Variants in MALRD1 observed in about 807,000 individuals in gnomAD.
MALRD1 encodes MAM and LDL receptor class A domain containing 1.
In MALRD1, 247 loss-of-function variants were observed where a neutral mutation model predicts 242.1. The observed-to-expected ratio is 1.02, with a 90% CI of 0.92 to 1.13. The LOEUF (loss-of-function observed/expected upper bound fraction) is 1.13. Ranked by LOEUF, MALRD1 falls within the 50% of genes most tolerant of loss-of-function variation. The probability of loss-of-function intolerance (pLI) is 0.00; values close to 1 mark genes in which losing one functional copy is unlikely to be tolerated. For synonymous variants in MALRD1, 995 were observed against 866.6 expected (o/e 1.15, Z -2.60); for missense variants, 2,989 against 2,533.1 (o/e 1.18, Z -3.86).
At chr10:19,545,820 G>A (rs1229007434) in intron 32 of MALRD1, among the ~76,000 whole-genome samples, 1 of 152,102 alleles carries the variant, frequency 6.6e-6, no homozygotes, top group African/African-American at 2.4e-5. Flanking sequence ...TTAGTCCTCT[G>A]GCACTGTGGT....
chr10:19,694,492 T>G (rs1833272401), intron 38 of MALRD1, among the ~76,000 whole-genome samples: 1 of 152,196 alleles, frequency 6.6e-6, no homozygotes, highest in South Asian at 2.1e-4. Context: ...TCACTGGCCA[T>G]CAGAGAAATG....
chr10:19,074,321 T>G (rs1431559288), intron 2 of MALRD1, among the ~76,000 whole-genome samples: 1 of 152,092 alleles, frequency 6.6e-6, no homozygotes, highest in East Asian at 1.9e-4. Flanking sequence ...GCATATTTGG[T>G]GCTTAATGAT....
At chr10:19,371,149 G>T (rs1436290559) in intron 26 of MALRD1, among the ~76,000 whole-genome samples, 1 of 150,282 alleles carries the variant, frequency 6.7e-6, no homozygotes, top group South Asian at 2.1e-4. Context: ...TGTCGTCCCA[G>T]CTCTCAGGAG....
At chr10:19,452,066 G>A (rs1305543296) in intron 29 of MALRD1, among the ~76,000 whole-genome samples, 2 of 152,114 alleles carry the variant, frequency 1.3e-5, no homozygotes, top group African/African-American at 4.8e-5. Context: ...GTAATATGTT[G>A]AAATTCTATT....
intron 28 of MALRD1, among the ~76,000 whole-genome samples, chr10:19,429,052 C>T (rs1414258957): frequency 1.3e-5 from 2 of 152,210 alleles, no homozygotes; most frequent in South Asian, 2.1e-4. Flanking sequence ...TGGGCTATTA[C>T]ACCTAGTATA....
intron 36 of MALRD1, among the ~76,000 whole-genome samples, chr10:19,656,460 A>G (rs531084444): frequency 3.5e-4 from 53 of 152,242 alleles, no homozygotes; most frequent in African/African-American, 1.2e-3. Flanking sequence ...TCTTTATTAA[A>G]TATGATTTAG....
At chr10:19,651,007 A>G (rs573214089) in intron 36 of MALRD1, among the ~76,000 whole-genome samples, 47 of 152,288 alleles carry the variant, frequency 3.1e-4, no homozygotes, top group African/African-American at 1.0e-3. Flanking sequence ...TCTCCCCACT[A>G]TCTCTAGAAT....
chr10:19,511,830 CAGAAA>C (rs1440274011), intron 31 of MALRD1, among the ~76,000 whole-genome samples: 3 of 151,816 alleles, frequency 2.0e-5, no homozygotes, highest in Admixed American at 6.6e-5. Flanking sequence ...CATTTGTAAA[CAGAAA>C]AGAAACACAG....
intron 21 of MALRD1, among the ~76,000 whole-genome samples, chr10:19,322,411 T>G (rs182391614): frequency 6.6e-6 from 1 of 152,258 alleles, no homozygotes; most frequent in Admixed American, 6.5e-5. Flanking sequence ...TTAGGAAGAA[T>G]GAATGATATA....
At chr10:19,279,006 T>C (rs1353750082) in intron 19 of MALRD1, among the ~76,000 whole-genome samples, 2 of 152,006 alleles carry the variant, frequency 1.3e-5, no homozygotes, top group African/African-American at 2.4e-5. Context: ...GGCTCCAGAG[T>C]TGGACACTGC....
At chr10:19,334,873 C>T (rs1352348053) in intron 24 of MALRD1, among the ~76,000 whole-genome samples, 1 of 151,826 alleles carries the variant, frequency 6.6e-6, no homozygotes, top group Non-Finnish European at 1.5e-5. Flanking sequence ...GTAATGTTTC[C>T]AGTGTATCTC....
At chr10:19,167,093 C>T (rs1207773251) in intron 13 of MALRD1, among the ~76,000 whole-genome samples, 1 of 152,154 alleles carries the variant, frequency 6.6e-6, no homozygotes, top group Non-Finnish European at 1.5e-5. Context: ...GGGGTGGTGG[C>T]TCATGCCTGT....
In MALRD1 at chr10:19,352,021, C is replaced by G; in HGVS notation, c.4165C>G (p.His1389Asp). Residue 1389 changes from histidine (H) to aspartate (D), a missense_variant, in exon 26 of 40, where the codon CAC becomes GAC. His to Asp is a moderately conservative substitution (Grantham distance 81). Coordinates refer to ENST00000454679, the MANE Select transcript of MALRD1 (RefSeq NM_001142308.3). ...TTGATTACAGATTATTTTTCATTAT[C>G]ACATGTATGGAAATGGCATTGGGGC... ...SKNCKIIFHY[H>D]MYGNGIGALT... is the part of the protein sequence containing the mutation. The G allele has an allele frequency of 6.5e-7, 1 of 1,546,890 alleles. No individual in the cohort carries two copies. Among genetic ancestry groups the G allele is most frequent in the Non-Finnish European group, 8.7e-7 (1 of 1,143,958 alleles).
chr10:19,102,993 G>T (rs1836322577), intron 4 of MALRD1, among the ~76,000 whole-genome samples: 1 of 151,732 alleles, frequency 6.6e-6, no homozygotes, highest in African/African-American at 2.4e-5. Context: ...GATTATAGGT[G>T]CCCGCCACCA....
chr10:19,350,013 A>T (rs770965584), intron 25 of MALRD1, among the ~76,000 whole-genome samples: 7 of 152,130 alleles, frequency 4.6e-5, no homozygotes, highest in Non-Finnish European at 7.3e-5. Flanking sequence ...AATATTTATG[A>T]TACAGATTGA....
At chr10:19,593,939 TATGACAGC>T (rs1208200625) in intron 33 of MALRD1, among the ~76,000 whole-genome samples, 1 of 152,204 alleles carries the variant, frequency 6.6e-6, no homozygotes, top group Non-Finnish European at 1.5e-5. Context: ...TAGCTTTGGA[TATGACAGC>T]ACATGGCCTT....
intron 22 of MALRD1, among the ~76,000 whole-genome samples, chr10:19,325,889 T>G (rs1194008009): frequency 6.6e-6 from 1 of 152,144 alleles, no homozygotes; most frequent in African/African-American, 2.4e-5. Context: ...TCCGAAAGGT[T>G]GATTGCAATA....
At chr10:19,414,267 C>T (rs139589437) in intron 28 of MALRD1, among the ~76,000 whole-genome samples, 195 of 152,260 alleles carry the variant, frequency 1.3e-3, no homozygotes, top group African/African-American at 4.5e-3. Context: ...AAAATCCATT[C>T]AGGTGCAACT....
intron 28 of MALRD1, among the ~76,000 whole-genome samples, chr10:19,392,944 C>G (rs749987742): frequency 6.6e-6 from 1 of 152,100 alleles, no homozygotes; most frequent in Admixed American, 6.6e-5. Flanking sequence ...CTGTGGGAAG[C>G]AATGAGAATC....
Sources: allele counts gnomAD v4.1 joint callset (sites outside exome capture counted in the v4.1 genomes callset), GRCh38; gene constraint gnomAD v4.1.1; transcripts MANE v1.5; gene names NCBI Gene and HGNC (gene_info 2026-07-23, HGNC 2026-07-21).